Variants in CDH22 observed in about 807,000 individuals in gnomAD.
The protein encoded by CDH22 is cadherin 22.
Under a neutral mutation model 58.4 loss-of-function variants are expected in CDH22, and 30 were observed. The observed-to-expected ratio is 0.51, with a 90% CI of 0.38 to 0.70. CDH22 has a LOEUF of 0.70. CDH22 is among the 30% of genes least tolerant of loss of function. The probability of loss-of-function intolerance (pLI) is 0.00; values close to 1 mark genes in which losing one functional copy is unlikely to be tolerated. For missense variants in CDH22, 1,014 were observed against 1,233.9 expected, an observed-to-expected ratio of 0.82 and a Z score of 2.67; for synonymous variants, 513 against 558.2, an observed-to-expected ratio of 0.92 and a Z score of 1.14.
intron 4 of CDH22, among the ~76,000 whole-genome samples, chr20:46,222,966 C>G (rs957838289): frequency 1.3e-5 from 2 of 152,232 alleles, no homozygotes; most frequent in African/African-American, 4.8e-5. Flanking sequence ...ATATTCCTGG[C>G]TGGGGAACTA....
chr20:46,223,031 G>A (rs1225054660), intron 4 of CDH22, among the ~76,000 whole-genome samples: 2 of 152,250 alleles, frequency 1.3e-5, no homozygotes, highest in African/African-American at 4.8e-5. Context: ...CTGTGGGCAA[G>A]GGGAGGCAAA....
intron 7 of CDH22, 111 bp from the exon 8 acceptor site, chr20:46,199,670 C>T (rs1439747973): frequency 7.4e-7 from 1 of 1,356,674 alleles, no homozygotes; most frequent in East Asian, 2.5e-5. Context: ...TGGACACACA[C>T]AAGGGGCAGA....
In CDH22 at chr20:46,241,649, C is replaced by T. The variant is rs921676536; in HGVS notation, c.256-392G>A. Among the ~76,000 whole-genome samples, 1 of 152,212 alleles carries T rather than the reference C, an allele frequency of 6.6e-6. No homozygotes were observed. The highest frequency in any genetic ancestry group is 1.5e-5 in the Non-Finnish European group (1 of 68,038). On this transcript the variant is annotated intron_variant, in intron 2 of 11. Coordinates refer to ENST00000537909, the MANE Select transcript of CDH22 (RefSeq NM_021248.3). This position sits in a 1 kb window ranked among gnomAD's most constrained non-coding sequence, Gnocchi z 5.2. Reference sequence around the variant, plus strand: ...TGAGGCTTCTGCCTTGAGCCCTGTCCTTGTTTCTCTGCCCATGGAAAGTCT... The same window carrying T: ...TGAGGCTTCTGCCTTGAGCCCTGTCTTTGTTTCTCTGCCCATGGAAAGTCT...
intron 3 of CDH22, 119 bp from the exon 4 acceptor site, chr20:46,227,746 A>G: frequency 7.1e-7 from 1 of 1,402,746 alleles, no homozygotes; most frequent in Non-Finnish European, 9.6e-7. Context: ...GCGGGAGGCC[A>G]TCGAATACAG....
In CDH22 at chr20:46,210,963, A is replaced by C. The variant is rs1372389224; in HGVS notation, c.1033-403T>G. 6.6e-6 allele frequency among the ~76,000 whole-genome samples: 1 copy of C among 152,212 alleles called. No homozygotes were observed. Among genetic ancestry groups the C allele is most frequent in the East Asian group, 1.9e-4 (1 of 5,198 alleles). ...TTGTATTCTTATGATCTGATCTTAC[A>C]CATGAGGAAAACGAGGCCCAGAAAG... On this transcript the variant is annotated intron_variant, in intron 6 of 11. Coordinates refer to ENST00000537909, the MANE Select transcript of CDH22 (RefSeq NM_021248.3). This position sits in a 1 kb window ranked among gnomAD's most constrained non-coding sequence, Gnocchi z 4.5.
At chr20:46,237,658 T>C (rs916656787) in intron 3 of CDH22, among the ~76,000 whole-genome samples, 1 of 152,178 alleles carries the variant, frequency 6.6e-6, no homozygotes, top group Non-Finnish European at 1.5e-5. Flanking sequence ...TCCCGACATT[T>C]TTCCTGAGTG....
chr20:46,250,933 A>C (rs370856723), intron 2 of CDH22, 107 bp downstream of exon 2: 2 of 713,262 alleles, frequency 2.8e-6, no homozygotes, highest in Non-Finnish European at 4.9e-6. Context: ...CAGAAGAGGC[A>C]CATGAAACAT....
chr20:46,282,787 C>T (rs1323989761), intron 1 of CDH22, among the ~76,000 whole-genome samples: 1 of 152,112 alleles, frequency 6.6e-6, no homozygotes, highest in African/African-American at 2.4e-5. Flanking sequence ...TGCCCCTCCC[C>T]CATACCAGGT....
intron 4 of CDH22, among the ~76,000 whole-genome samples, chr20:46,225,140 C>T (rs1011981939): frequency 3.9e-5 from 6 of 152,212 alleles, no homozygotes; most frequent in Non-Finnish European, 7.3e-5. Flanking sequence ...ACGGGAGTGT[C>T]GTCTGGTACA....
At chr20:46,276,921 G>A (rs1183870399) in intron 1 of CDH22, among the ~76,000 whole-genome samples, 2 of 152,256 alleles carry the variant, frequency 1.3e-5, no homozygotes, top group African/African-American at 4.8e-5. Flanking sequence ...CTGGCAAGAA[G>A]TGAATCAGGT....
At position 46,210,085 on chromosome 20, in the gene CDH22, C is replaced by A; in HGVS notation, c.1286+222G>T. The stretch of plus-strand genomic sequence containing the variant: ...TTCTCTCCCTTATTGGCCTGGCTCG[C>A]CTGCCTGTCTCATTGACTGTTCTCA... On this transcript the variant is annotated intron_variant, in intron 7 of 11. Transcript: ENST00000537909. The surrounding 1 kb of genome is among the most constrained non-coding windows in gnomAD (Gnocchi z 4.5). The A allele has an allele frequency of 2.2e-6, 1 of 445,456 alleles. No individual in the cohort carries two copies. Among genetic ancestry groups the A allele is most frequent in the South Asian group, 4.7e-5 (1 of 21,354 alleles). The allele number at this position is 445,456 out of a possible 1,614,324, so 27.6% of individuals were successfully genotyped here.
At chr20:46,180,818 C>T (rs1032916559) in intron 10 of CDH22, among the ~76,000 whole-genome samples, 6 of 152,092 alleles carry the variant, frequency 3.9e-5, no homozygotes, top group Non-Finnish European at 5.9e-5. Context: ...ACTGTGACCT[C>T]GGTCTCCCAG....
At chr20:46,259,365 G>A (rs1033953409) in intron 1 of CDH22, among the ~76,000 whole-genome samples, 4 of 152,306 alleles carry the variant, frequency 2.6e-5, no homozygotes, top group African/African-American at 7.2e-5. Context: ...AGCCTTAACA[G>A]GTTTGTGGCC....
At chr20:46,201,072 CAT>C (rs1452429077) in intron 7 of CDH22, among the ~76,000 whole-genome samples, 3 of 152,264 alleles carry the variant, frequency 2.0e-5, no homozygotes, top group Admixed American at 6.5e-5. Context: ...GTGTCCAACA[CAT>C]GTCTCGGGCG....
chr20:46,200,273 C>T (rs2085949947), intron 7 of CDH22, among the ~76,000 whole-genome samples: 1 of 151,808 alleles, frequency 6.6e-6, no homozygotes, highest in South Asian at 2.1e-4. Flanking sequence ...CCGCGCCCGG[C>T]CCTCTTTTCT....
At chr20:46,234,987 A>C (rs2086243406) in intron 3 of CDH22, among the ~76,000 whole-genome samples, 1 of 152,256 alleles carries the variant, frequency 6.6e-6, no homozygotes, top group African/African-American at 2.4e-5. Flanking sequence ...GGTGCTAATA[A>C]ATGTTTGCTA....
At chr20:46,304,353 A>G (rs1238994962) in intron 1 of CDH22, among the ~76,000 whole-genome samples, 1 of 152,226 alleles carries the variant, frequency 6.6e-6, no homozygotes, top group Non-Finnish European at 1.5e-5. Flanking sequence ...TGTGCTCAGC[A>G]CCATACATGC....
chr20:46,232,682 A>C (rs1399212683), intron 3 of CDH22, among the ~76,000 whole-genome samples: 1 of 152,128 alleles, frequency 6.6e-6, no homozygotes, highest in Non-Finnish European at 1.5e-5. Flanking sequence ...TTTCTATTAA[A>C]AATTAAAAAC....
At chr20:46,247,597 T>C (rs1045779669) in intron 2 of CDH22, among the ~76,000 whole-genome samples, 6 of 152,218 alleles carry the variant, frequency 3.9e-5, no homozygotes, top group Admixed American at 1.3e-4. Context: ...AATGTTATGC[T>C]ATTTTATATT....
Sources: gnomAD v4.1 joint callset for allele counts (sites outside exome capture counted in the v4.1 genomes callset) on GRCh38, gnomAD v4.1.1 for gene constraint, Gnocchi (gnomAD v3.1) non-coding constraint, MANE v1.5 for transcripts, NCBI Gene and HGNC (gene_info 2026-07-23, HGNC 2026-07-21) for gene names.